Variants in SEPTIN3 observed in about 807,000 individuals in gnomAD.
The protein encoded by SEPTIN3 is neuronal-specific septin-3.
SEPTIN3 carries 15 observed loss-of-function variants against 45.1 expected under a neutral mutation model. That is an observed-to-expected ratio of 0.33 (90% CI 0.22 to 0.51). The LOEUF is 0.51. Among genes scored for constraint, SEPTIN3 ranks in the 20% least tolerant of loss-of-function variants. The probability of loss-of-function intolerance (pLI) is 0.97; values close to 1 mark genes in which losing one functional copy is unlikely to be tolerated. For missense variants in SEPTIN3, 289 were observed against 457.2 expected (o/e 0.63, Z 3.35); for synonymous variants, 148 against 164.8 (o/e 0.90, Z 0.78).
rs907210159 is a variant in SEPTIN3 at position 41,981,666 on chromosome 22, A to G, written c.1526A>G (p.Asp509Gly). 6.2e-7 allele frequency: 1 copy of G among 1,613,344 alleles called. No homozygotes were observed. Among genetic ancestry groups the G allele is most frequent in the Non-Finnish European group, 8.5e-7 (1 of 1,179,942 alleles). ...EYKGLPETRT[D>G]AAMSELVPEP... ...GCAGGGCTCCCAGAGACCAGGACGG[A>G]CGCAGCCATGTCAGAGCTGGTGCCT... is the stretch of plus-strand genomic sequence containing the variant. The change falls in exon 3 of 12, where the codon GAC becomes GGC. Residue 509 changes from aspartate to glycine, a missense_variant. Physicochemically the swap from Asp to Gly is moderately conservative, Grantham distance 94. This residue lies in a region of SEPTIN3 where 200 missense variants were observed against 315.1 expected (regional missense o/e 0.63). Coordinates refer to ENST00000644076, the MANE Select transcript of SEPTIN3 (RefSeq NM_001363845.2).
rs2078019749 is a variant in SEPTIN3, at chr22:41,976,303, G to A, written c.1504+3307G>A. The A allele has an allele frequency of 6.6e-6, 1 of 152,192 alleles. No homozygotes were observed. Among genetic ancestry groups the A allele is most frequent in the East Asian group, 1.9e-4 (1 of 5,172 alleles). 9.4% of individuals were successfully genotyped at this position (152,192 alleles called of 1,614,324 possible). ...CCCAGAACCTTCGAGGGGAGGGATG[G>A]TTGTCCTCACCCCTGTGAGGCAATA... On this transcript the variant is annotated intron_variant, in intron 2 of 11. Transcript: ENST00000644076. This position sits in a 1 kb window ranked among gnomAD's most constrained non-coding sequence, Gnocchi z 5.8.
chr22:41,987,849 G>T (rs2078235698), intron 6 of SEPTIN3, 90 bp downstream of exon 6: 2 of 1,421,942 alleles, frequency 1.4e-6, no homozygotes, highest in African/African-American at 1.4e-5. Context: ...CGTTGACTCA[G>T]CTAGGCCTCC....
chr22:41,995,147 G>A (rs574117175), intron 11 of SEPTIN3: 16 of 1,069,240 alleles, frequency 1.5e-5, no homozygotes, highest in East Asian at 1.4e-4. Context: ...CTCTTCTCTC[G>A]GAACCTGCAC....
chr22:41,982,020 G>A, intron 3 of SEPTIN3, 184 bp downstream of exon 3: 2 of 613,930 alleles, frequency 3.3e-6, no homozygotes, highest in East Asian at 2.8e-5. Context: ...TGACCCAGGG[G>A]TAGGAGCTTC....
intron 1 of SEPTIN3, among the ~76,000 whole-genome samples, chr22:41,969,984 C>T (rs974870653): frequency 6.6e-6 from 1 of 151,940 alleles, no homozygotes; most frequent in African/African-American, 2.4e-5. Context: ...GAGGCCAGGA[C>T]AGTCTTGGAT....
chr22:41,982,088 A>C, intron 3 of SEPTIN3: 1 of 513,832 alleles, frequency 1.9e-6, no homozygotes, highest in Non-Finnish European at 3.5e-6. Flanking sequence ...CAGCCCCTTC[A>C]CCACTCTGAT....
intron 3 of SEPTIN3, among the ~76,000 whole-genome samples, chr22:41,984,930 G>T (rs1175927837): frequency 7.2e-6 from 1 of 139,116 alleles, no homozygotes. Context: ...TCAGCTCACT[G>T]CAAGCTCTGC....
chr22:41,981,549 T>C (rs1337592566), intron 2 of SEPTIN3, 96 bp from the exon 3 acceptor site: 4 of 1,074,068 alleles, frequency 3.7e-6, no homozygotes. Flanking sequence ...CCCAACTTTG[T>C]ATGATTCTGT....
chr22:41,996,490 A>C, intron 11 of SEPTIN3: 1 of 996,850 alleles, frequency 1.0e-6, no homozygotes. Context: ...TAGACTCAAG[A>C]CCCAAGATTC....
intron 1 of SEPTIN3, among the ~76,000 whole-genome samples, chr22:41,970,483 G>C (rs1263887843): frequency 2.0e-5 from 3 of 152,116 alleles, no homozygotes; most frequent in Non-Finnish European, 4.4e-5. Flanking sequence ...GTTCCCATCT[G>C]ATCCCTCTGT....
At chr22:41,977,712 C>T (rs2078053026) in intron 2 of SEPTIN3, among the ~76,000 whole-genome samples, 1 of 151,908 alleles carries the variant, frequency 6.6e-6, no homozygotes, top group Non-Finnish European at 1.5e-5. Context: ...AGAGGGGGGG[C>T]CTGCACTAAG....
At chr22:41,973,447 C>A (rs1372827851) in intron 2 of SEPTIN3, among the ~76,000 whole-genome samples, 1 of 144,968 alleles carries the variant, frequency 6.9e-6, no homozygotes, top group Non-Finnish European at 1.5e-5. Flanking sequence ...ATCACAAGGT[C>A]AGGAGATCGA....
chr22:41,996,002 C>G, intron 11 of SEPTIN3: 4 of 985,350 alleles, frequency 4.1e-6, no homozygotes, highest in Non-Finnish European at 4.8e-6. Context: ...TCAGACTTCT[C>G]TCCCTTCTAA....
At chr22:41,995,266 G>A (rs1432539031) in intron 11 of SEPTIN3, 1 of 991,494 alleles carries the variant, frequency 1.0e-6, no homozygotes, top group East Asian at 1.1e-4. Flanking sequence ...GGTGGTCTGG[G>A]GGTAAGGCTG....
chr22:41,991,105 A>G (rs2078307543), intron 7 of SEPTIN3, among the ~76,000 whole-genome samples: 1 of 62,070 alleles, frequency 1.6e-5, no homozygotes, highest in Admixed American at 1.6e-4. Flanking sequence ...CTTATAATCA[A>G]ATAGAAAATG....
At chr22:41,986,222 G>C (rs1172574932) in intron 4 of SEPTIN3, 110 bp downstream of exon 4, 1 of 1,327,308 alleles carries the variant, frequency 7.5e-7, no homozygotes, top group Non-Finnish European at 1.0e-6. Flanking sequence ...GCAACCTTAA[G>C]ACAAAACAGA....
chr22:41,991,710 C>A, intron 8 of SEPTIN3, 42 bp downstream of exon 8: 2 of 1,296,536 alleles, frequency 1.5e-6, no homozygotes, highest in Non-Finnish European at 2.2e-6. Context: ...TGCCCCCTTG[C>A]GACCTCTGGG....
At chr22:41,988,380 G>T (rs961194600) in intron 6 of SEPTIN3, among the ~76,000 whole-genome samples, 1 of 152,102 alleles carries the variant, frequency 6.6e-6, no homozygotes, top group African/African-American at 2.4e-5. Context: ...GGCAGAGGAT[G>T]GAGATCCTAG....
rs1311123492 is a variant in SEPTIN3, at chr22:41,992,706, T to G, written c.2302T>G (p.Tyr768Asp). 2.5e-6 allele frequency: 4 copies of G among 1,611,952 alleles called. No homozygotes were observed. Among genetic ancestry groups the G allele is most frequent in the Non-Finnish European group, 3.4e-6 (4 of 1,179,174 alleles). Residue 768 changes from tyrosine to aspartate, a missense_variant, in exon 9 of 12, where the codon TAC (tyrosine) becomes GAC (aspartate). Tyr to Asp is a radical substitution (Grantham distance 160). Transcript: ENST00000644076. ...PFAVVGSDKE[Y>D]QVNGKRVLGR... ...TGCTGTGGTGGGAAGTGACAAGGAG[T>G]ACCAAGTGAATGGCAAGAGGGTCCT... is the stretch of plus-strand genomic sequence containing the variant.
Sources: allele counts gnomAD v4.1 joint callset (sites outside exome capture counted in the v4.1 genomes callset), GRCh38; gene constraint gnomAD v4.1.1; regional missense constraint gnomAD v4.1.1; non-coding constraint Gnocchi (gnomAD v3.1); transcripts MANE v1.5; gene names NCBI Gene and HGNC (gene_info 2026-07-23, HGNC 2026-07-21).